SRR: variants seen among roughly 807,000 people sequenced by gnomAD.
The protein encoded by SRR is serine racemase.
SRR carries 19 observed loss-of-function variants against 32.7 expected under a neutral mutation model. That is an observed-to-expected ratio of 0.58 (90% CI 0.40 to 0.85). The LOEUF (loss-of-function observed/expected upper bound fraction) is 0.85, where lower values mean the gene tolerates loss of function less well. SRR is among the 40% of genes least tolerant of loss of function. The pLI is 0.00. For synonymous variants in SRR, 142 were observed against 140.9 expected (o/e 1.01, Z -0.06); for missense variants, 373 against 404.7 (o/e 0.92, Z 0.67).
rs2151429440 is a variant in SRR, at chr17:2,309,304, T to A, written c.-5+5287T>A. Among the ~76,000 whole-genome samples, 2 of 152,270 alleles carry A rather than the reference T, an allele frequency of 1.3e-5. 1 individual carries two copies. The highest frequency in any genetic ancestry group is 1.3e-4 in the Admixed American group (2 of 15,290). On this transcript the variant is annotated intron_variant, in intron 1 of 7. Coordinates refer to ENST00000344595, the MANE Select transcript of SRR (RefSeq NM_021947.3). ...CACTTCTCTCCCCCATTCAATCCACTATCAGGATATGTCTCTTCTGTTCCT... is the reference window on the plus strand; with the variant it reads ...CACTTCTCTCCCCCATTCAATCCACAATCAGGATATGTCTCTTCTGTTCCT...
chr17:2,305,578 ACG>A (rs2075382802), intron 1 of SRR, among the ~76,000 whole-genome samples: 4 of 152,270 alleles, frequency 2.6e-5, no homozygotes, highest in Middle Eastern at 3.2e-3. Flanking sequence ...AAAATTTACT[ACG>A]TTGGTGGAAA....
intron 7 of SRR, 148 bp downstream of exon 7, chr17:2,323,493 C>A (rs2075552003): frequency 2.6e-6 from 3 of 1,146,544 alleles, no homozygotes; most frequent in Non-Finnish European, 3.7e-6. Flanking sequence ...TTAATGACAA[C>A]CCTCTTGACA....
chr17:2,316,893 T>TTC (rs2075478064), intron 2 of SRR, among the ~76,000 whole-genome samples: 4 of 149,474 alleles, frequency 2.7e-5, no homozygotes, highest in Non-Finnish European at 6.0e-5. Flanking sequence ...TTTTTTTTTT[T>TTC]TTTTTGAATT....
intron 4 of SRR, among the ~76,000 whole-genome samples, chr17:2,319,980 A>G (rs527861970): frequency 1.1e-4 from 17 of 151,168 alleles, no homozygotes; most frequent in South Asian, 6.3e-4. Flanking sequence ...CACCATGCCC[A>G]GCTAATTTTT....
chr17:2,319,773 T>C (rs900532272), intron 4 of SRR, among the ~76,000 whole-genome samples: 1 of 152,160 alleles, frequency 6.6e-6, no homozygotes, highest in Non-Finnish European at 1.5e-5. Context: ...TACAGGCTTT[T>C]TTGAGCAACC....
chr17:2,318,235 G>C (rs1022172555), intron 3 of SRR, among the ~76,000 whole-genome samples: 3 of 151,636 alleles, frequency 2.0e-5, no homozygotes, highest in African/African-American at 2.4e-5. Flanking sequence ...ACCTCCACCT[G>C]CCGGGTTCAA....
Position 2,315,804 on chromosome 17 carries a change from C to A in SRR, c.168+76C>A, listed in dbSNP as rs184688159. ...ATATCAGTTTGATTCTCCTGACCAC[C>A]CAATGAGATAGGCAGAAGTAAATTA... is the stretch of plus-strand genomic sequence containing the variant. On this transcript the variant is annotated intron_variant, in intron 2 of 7. Transcript: ENST00000344595. The A allele has an allele frequency of 8.7e-6, 12 of 1,377,502 alleles. No individual in the cohort carries two copies. In the East Asian group the frequency reaches 2.6e-4, roughly 29 times the overall value. The allele number at this position is 1,377,502 out of a possible 1,614,324, so 85.3% of individuals were successfully genotyped here.
upstream of SRR, chr17:2,303,774 G>A (rs1313075731): frequency 4.2e-6 from 6 of 1,435,406 alleles, no homozygotes; most frequent in Non-Finnish European, 5.5e-6. Context: ...CGCGCAGCCA[G>A]GAAACCACCA....
chr17:2,317,373 G>T (rs867343007), intron 2 of SRR, among the ~76,000 whole-genome samples: 2 of 151,632 alleles, frequency 1.3e-5, no homozygotes, highest in Non-Finnish European at 2.9e-5. Context: ...TTAGCCGGGC[G>T]TGGTGGCGGG....
Position 2,303,958 on chromosome 17 carries a change from A to T in SRR, c.-64A>T. 8.2e-6 allele frequency: 3 copies of T among 366,574 alleles called. No homozygotes were observed. The highest frequency in any genetic ancestry group is 1.5e-5 in the Non-Finnish European group (3 of 204,616). 22.7% of individuals were successfully genotyped at this position (366,574 alleles called of 1,614,324 possible). A position where few individuals can be genotyped will look rare whatever the true frequency, so the allele number is the denominator to read the frequency against. On this transcript the variant is annotated 5_prime_UTR_variant, in exon 1 of 8. Transcript: ENST00000344595. ...GCGGGCGGGCGCTGCGCGTGCGCAGAGGTGCGGCCGGGGAGGCGCGCGGAG... is the reference window on the plus strand; with the variant it reads ...GCGGGCGGGCGCTGCGCGTGCGCAGTGGTGCGGCCGGGGAGGCGCGCGGAG...
chr17:2,324,823 T>A lies in SRR; in HGVS notation c.*950T>A. 2.5e-6 allele frequency: 4 copies of A among 1,610,328 alleles called. No individual in the cohort carries two copies. The highest frequency in any genetic ancestry group is 3.4e-6 in the Non-Finnish European group (4 of 1,179,022). ...AAGATGGCCTGTAGCAATGAGGCTG[T>A]GCATTCCTAAAGGACAAAAGCAAAG... On this transcript the variant is annotated 3_prime_UTR_variant, in exon 8 of 8. Coordinates refer to ENST00000344595, the MANE Select transcript of SRR (RefSeq NM_021947.3).
At position 2,323,906 on chromosome 17, in the gene SRR, TCTTTAGA is replaced by T; in HGVS notation, c.*34_*40del. The T allele has an allele frequency of 6.3e-7, 1 of 1,583,984 alleles. No individual in the cohort carries two copies. Among genetic ancestry groups the T allele is most frequent in the Non-Finnish European group, 8.7e-7 (1 of 1,154,474 alleles). ...AAAAGGAAATGGTGGGAATTCAGTG[TCTTTAGA>T]TACTGAAGACATTTTGTTTCCTAGT... On this transcript the variant is annotated 3_prime_UTR_variant, in exon 8 of 8. Transcript: ENST00000344595.
chr17:2,315,314 T>C (rs1597263228), intron 1 of SRR: 1 of 299,808 alleles, frequency 3.3e-6, no homozygotes, highest in Non-Finnish European at 6.1e-6. Flanking sequence ...GTGGTGTGGG[T>C]GGGGAGTGGG....
At chr17:2,307,069 A>C in intron 1 of SRR, 1 of 1,159,248 alleles carries the variant, frequency 8.6e-7, no homozygotes, top group Non-Finnish European at 1.3e-6. Flanking sequence ...CCACTTAACT[A>C]TGGAAAAGAT....
At chr17:2,307,776 G>A (rs1365089955) in intron 1 of SRR, 1 of 804,700 alleles carries the variant, frequency 1.2e-6, no homozygotes, top group Non-Finnish European at 2.1e-6. Flanking sequence ...GAAGCTACAG[G>A]TTACAACAGA....
chr17:2,307,407 TG>T (rs1160432828), intron 1 of SRR: 2 of 1,213,470 alleles, frequency 1.6e-6, no homozygotes, highest in Non-Finnish European at 2.4e-6. Flanking sequence ...ATGACAACTT[TG>T]GTTGTGAAGG....
At chr17:2,308,111 A>C (rs2075406656) in intron 1 of SRR, among the ~76,000 whole-genome samples, 1 of 151,766 alleles carries the variant, frequency 6.6e-6, no homozygotes, top group Non-Finnish European at 1.5e-5. Context: ...AAAAGAAAAC[A>C]AGACTAAAAT....
In SRR at chr17:2,304,004, G is replaced by T; in HGVS notation, c.-18G>T. ...CGGAGGCTGGAGCTGGAGGCGCGGCGCCGGTGAGCTGAGGTGAGGCGAGGC... is the reference window on the plus strand; with the variant it reads ...CGGAGGCTGGAGCTGGAGGCGCGGCTCCGGTGAGCTGAGGTGAGGCGAGGC... On this transcript the variant is annotated 5_prime_UTR_variant, in exon 1 of 8. Coordinates refer to ENST00000344595, the MANE Select transcript of SRR (RefSeq NM_021947.3). 3.2e-6 allele frequency: 1 copy of T among 316,812 alleles called. No homozygotes were observed. Among genetic ancestry groups the T allele is most frequent in the Non-Finnish European group, 5.7e-6 (1 of 174,856 alleles). 19.6% of individuals were successfully genotyped at this position (316,812 alleles called of 1,614,324 possible). A position where few individuals can be genotyped will look rare whatever the true frequency, so the allele number is the denominator to read the frequency against.
At chr17:2,304,196 C>A (rs1045870035) in intron 1 of SRR, among the ~76,000 whole-genome samples, 179 bp downstream of exon 1, 7 of 151,594 alleles carry the variant, frequency 4.6e-5, no homozygotes, top group African/African-American at 1.7e-4. Flanking sequence ...CCCGGCCTAG[C>A]GCCGCGGGCC....
Sources: allele counts gnomAD v4.1 joint callset (sites outside exome capture counted in the v4.1 genomes callset), GRCh38; gene constraint gnomAD v4.1.1; transcripts MANE v1.5; gene names NCBI Gene and HGNC (gene_info 2026-07-23, HGNC 2026-07-21).